The following LIFR variants were observed in gnomAD, a reference collection of about 807,000 sequenced individuals.
LIFR encodes LIF receptor subunit alpha.
In LIFR, 84 loss-of-function variants were observed where a neutral mutation model predicts 122.2. The observed-to-expected ratio is 0.69, with a 90% CI of 0.58 to 0.82. LIFR has a LOEUF of 0.82. Among genes scored for constraint, LIFR ranks in the 40% least tolerant of loss-of-function variants. The pLI is 0.00. For synonymous variants in LIFR, 422 were observed against 434.7 expected, an observed-to-expected ratio of 0.97 and a Z score of 0.36; for missense variants, 1,294 against 1,311.6, an observed-to-expected ratio of 0.99 and a Z score of 0.21.
In LIFR at chr5:38,505,898, A is replaced by G. The variant is rs1357807728; in HGVS notation, c.1291+7T>C. 6.3e-7 allele frequency: 1 copy of G among 1,591,026 alleles called. No individual in the cohort carries two copies. The highest frequency in any genetic ancestry group is 1.7e-5 in the Admixed American group (1 of 59,326). ...ATTTTTAAGACATTAGTTTATGTAC[A>G]GCTTACCTTTTTCAGTTATATTAAC... On this transcript the variant is annotated splice_region_variant and intron_variant, in intron 9 of 19. Coordinates refer to ENST00000453190, the MANE Select transcript of LIFR (RefSeq NM_001127671.2).
chr5:38,596,070 A>G (rs775179273), upstream of LIFR, among the ~76,000 whole-genome samples: 2 of 152,108 alleles, frequency 1.3e-5, no homozygotes, highest in Non-Finnish European at 2.9e-5. Context: ...GCTTCATGAG[A>G]TGACTGGGAA....
chr5:38,485,743 T>TC, intron 17 of LIFR, 76 bp downstream of exon 17: 1 of 1,530,130 alleles, frequency 6.5e-7, no homozygotes. Flanking sequence ...GGGGAGGGGT[T>TC]CCTACATAAA....
At chr5:38,487,991 G>A (rs572098151) in intron 16 of LIFR, among the ~76,000 whole-genome samples, 8 of 152,168 alleles carry the variant, frequency 5.3e-5, no homozygotes, top group Non-Finnish European at 2.9e-5. Context: ...TTTCAGTGTT[G>A]TTTTGCCTCT....
intron 7 of LIFR, among the ~76,000 whole-genome samples, chr5:38,508,819 C>T (rs529397212): frequency 7.3e-4 from 111 of 152,078 alleles, no homozygotes; most frequent in Non-Finnish European, 1.4e-3. Context: ...CTCCTGACCT[C>T]GTGATCCGCC....
At chr5:38,554,054 T>C (rs1285436589) in intron 1 of LIFR, among the ~76,000 whole-genome samples, 1 of 152,160 alleles carries the variant, frequency 6.6e-6, no homozygotes, top group Non-Finnish European at 1.5e-5. Context: ...CCGAATTTTA[T>C]GAAACATAAA....
At chr5:38,561,580 G>A (rs1580194865), upstream of LIFR, among the ~76,000 whole-genome samples, 1 of 152,204 alleles carries the variant, frequency 6.6e-6, no homozygotes, top group East Asian at 1.9e-4. Flanking sequence ...TTGTCTTATT[G>A]TAGACCATCT....
intron 7 of LIFR, 45 bp downstream of exon 7, chr5:38,510,419 C>T (rs878903597): frequency 3.1e-6 from 5 of 1,595,294 alleles, no homozygotes; most frequent in Non-Finnish European, 3.4e-6. Flanking sequence ...CAAGGAAGAC[C>T]AAAACAGGTT....
chr5:38,564,004 CA>C (rs1748924495), intron 1 of LIFR, among the ~76,000 whole-genome samples: 1 of 152,162 alleles, frequency 6.6e-6, no homozygotes, highest in South Asian at 2.1e-4. Flanking sequence ...CTTCTCAACC[CA>C]AAGGACATGC....
At chr5:38,523,290 G>A in intron 5 of LIFR, 129 bp downstream of exon 5, 1 of 696,520 alleles carries the variant, frequency 1.4e-6, no homozygotes, top group East Asian at 2.5e-5. Flanking sequence ...TGTTTTTAAT[G>A]AACCCTGAAA....
Position 38,594,290 on chromosome 5 carries a change from A to C in LIFR, c.-20+971T>G, listed in dbSNP as rs566650886. Among the ~76,000 whole-genome samples the C allele has an allele frequency of 1.2e-4, 19 of 152,322 alleles. No homozygotes were observed. In the South Asian group the frequency reaches 3.9e-3, roughly 32 times the overall value. The stretch of plus-strand genomic sequence containing the variant: ...GCCTGGAGAAGGCAGGGAAGAAAAG[A>C]AGGATGAACAGATGGAGCACAGCAG... On this transcript the variant is annotated intron_variant, in intron 1 of 19. Coordinates refer to the LIFR transcript ENST00000263409.
chr5:38,550,118 T>C (rs764281953), intron 1 of LIFR: 2 of 211,328 alleles, frequency 9.5e-6, no homozygotes, highest in Non-Finnish European at 1.6e-5. Flanking sequence ...TTTTTGAGGC[T>C]TCTGATGAGT....
intron 1 of LIFR, among the ~76,000 whole-genome samples, chr5:38,570,238 C>A (rs1580208401): frequency 6.6e-6 from 1 of 152,148 alleles, no homozygotes. Context: ...ACAGTGGCTG[C>A]TATTTAATAA....
upstream of LIFR, chr5:38,558,359 G>A (rs572504817): frequency 2.0e-5 from 3 of 152,068 alleles, no homozygotes; most frequent in Non-Finnish European, 4.4e-5. Flanking sequence ...GCTCATTTCT[G>A]TGGCCTTGCT....
intron 1 of LIFR, among the ~76,000 whole-genome samples, chr5:38,535,768 C>A (rs1420040161): frequency 6.6e-6 from 1 of 152,144 alleles, no homozygotes; most frequent in Non-Finnish European, 1.5e-5. Context: ...TGAATGAATA[C>A]CAAGGCACAA....
chr5:38,522,583 T>A (rs577897433), intron 5 of LIFR, among the ~76,000 whole-genome samples: 1 of 152,314 alleles, frequency 6.6e-6, no homozygotes, highest in South Asian at 2.1e-4. Flanking sequence ...CATTATTCAG[T>A]ACAGTAACAT....
intron 1 of LIFR, among the ~76,000 whole-genome samples, chr5:38,564,724 TAC>T (rs1491087038): frequency 6.3e-5 from 9 of 143,166 alleles, no homozygotes; most frequent in Admixed American, 1.5e-4. Context: ...AATATATATA[TAC>T]ACACACACTA....
chr5:38,528,845 A>AGGAGAC lies in LIFR; in HGVS notation c.143-11_143-6dup, dbSNP rs745489148. ...ACTTCAAATCATGAGGAGCCCCTGG[A>AGGAGAC]GGAGACACACACACACACACACACA... On this transcript the variant is annotated splice_region_variant and splice_polypyrimidine_tract_variant and intron_variant, in intron 2 of 19. Coordinates refer to ENST00000453190, the MANE Select transcript of LIFR (RefSeq NM_001127671.2). The AGGAGAC allele has an allele frequency of 1.0e-5, 14 of 1,362,570 alleles. No homozygotes were observed. In the African/African-American group the frequency reaches 2.1e-4, roughly 20 times the overall value. The allele number at this position is 1,362,570 out of a possible 1,614,324, so 84.4% of individuals were successfully genotyped here.
In LIFR at chr5:38,550,463, G is replaced by A. The variant is rs148986110; in HGVS notation, c.-20+5871C>T. 2.6e-5 allele frequency among the ~76,000 whole-genome samples: 4 copies of A among 152,286 alleles called. No individual in the cohort carries two copies. The East Asian group carries it at 5.8e-4, about 22-fold the overall frequency. On this transcript the variant is annotated intron_variant, in intron 1 of 19. Coordinates refer to ENST00000453190, the MANE Select transcript of LIFR (RefSeq NM_001127671.2). ...CAGACTTTGAAAGGTACCAAGCTAA[G>A]ATGTAAAACACTGCACCTTCGTTTG...
In LIFR at chr5:38,479,131, G is replaced by C. The variant is rs140583327; in HGVS notation, c.*2464C>G. 85 of 194,414 alleles carry C rather than the reference G, an allele frequency of 4.4e-4. No individual in the cohort carries two copies. In the South Asian group the frequency reaches 4.9e-3, roughly 11 times the overall value. The allele number at this position is 194,414 out of a possible 1,614,324, so 12.0% of individuals were successfully genotyped here. A position where few individuals can be genotyped will look rare whatever the true frequency, so the allele number is the denominator to read the frequency against. On this transcript the variant is annotated 3_prime_UTR_variant, in exon 20 of 20. Transcript: ENST00000453190. ...TACTCTCCCTACACACACAGGTTGG[G>C]GGGAGTAGAGGTAATATCCTGGGAT... is the stretch of plus-strand genomic sequence containing the variant.
Sources: allele counts gnomAD v4.1 joint callset (sites outside exome capture counted in the v4.1 genomes callset), GRCh38; gene constraint gnomAD v4.1.1; transcripts MANE v1.5; gene names NCBI Gene and HGNC (gene_info 2026-07-23, HGNC 2026-07-21).